The following PLD1 variants were observed in gnomAD, a reference collection of about 807,000 sequenced individuals.
PLD1 encodes the protein phospholipase D1.
In PLD1, 112 loss-of-function variants were observed where a neutral mutation model predicts 137.1. That is an observed-to-expected ratio of 0.82 (90% CI 0.70 to 0.96). PLD1 has a LOEUF of 0.96. Ranked by LOEUF, PLD1 falls within the 40% of genes least tolerant of loss-of-function variation. The pLI is 0.00. For missense variants in PLD1, 1,321 were observed against 1,342.0 expected, an observed-to-expected ratio of 0.98 and a Z score of 0.24; for synonymous variants, 431 against 454.7, an observed-to-expected ratio of 0.95 and a Z score of 0.66.
intron 24 of PLD1, among the ~76,000 whole-genome samples, chr3:171,615,679 T>A (rs1733045783): frequency 6.6e-6 from 1 of 152,234 alleles, no homozygotes; most frequent in African/African-American, 2.4e-5. Flanking sequence ...TTCAGTCTTA[T>A]GTCTTTGAGA....
chr3:171,722,780 C>T (rs1171388581), intron 8 of PLD1, among the ~76,000 whole-genome samples: 4 of 152,044 alleles, frequency 2.6e-5, no homozygotes, highest in Admixed American at 2.0e-4. Context: ...CCGGCACTAC[C>T]GTCTTATTTC....
intron 1 of PLD1, among the ~76,000 whole-genome samples, chr3:171,764,915 A>AG (rs1333783976): frequency 9.5e-5 from 3 of 31,472 alleles, no homozygotes; most frequent in African/African-American, 2.2e-4. Flanking sequence ...AAGGAAGGAA[A>AG]GAAAGAAAGG....
chr3:171,716,233 T>G (rs1311017956), intron 8 of PLD1, among the ~76,000 whole-genome samples: 2 of 152,218 alleles, frequency 1.3e-5, no homozygotes, highest in African/African-American at 2.4e-5. Flanking sequence ...AGAATGGTTA[T>G]AGTCCTCTGG....
intron 3 of PLD1, 22 bp downstream of exon 3, chr3:171,737,510 G>A: frequency 6.3e-7 from 1 of 1,588,334 alleles, no homozygotes; most frequent in Non-Finnish European, 8.5e-7. Flanking sequence ...AGAAAAAAGG[G>A]TGAGTCCATA....
At chr3:171,620,204 C>A (rs1733469451) in intron 24 of PLD1, among the ~76,000 whole-genome samples, 182 bp downstream of exon 24, 3 of 152,118 alleles carry the variant, frequency 2.0e-5, no homozygotes, top group Non-Finnish European at 4.4e-5. Context: ...GTACCTATAA[C>A]AATTTCAACA....
At chr3:171,615,425 T>A (rs1379867030) in intron 24 of PLD1, among the ~76,000 whole-genome samples, 4 of 152,174 alleles carry the variant, frequency 2.6e-5, no homozygotes, top group Admixed American at 2.6e-4. Flanking sequence ...TAAGCAATAA[T>A]AAAATAGTCA....
Position 171,608,409 on chromosome 3 carries a change from C to T in PLD1, c.2883-2993G>A, listed in dbSNP as rs769824638. Among the ~76,000 whole-genome samples, 5 of 152,128 alleles carry T rather than the reference C, an allele frequency of 3.3e-5. No homozygotes were observed. The South Asian group carries it at 6.2e-4, about 19-fold the overall frequency. On this transcript the variant is annotated intron_variant, in intron 25 of 26. Transcript: ENST00000351298. ...TAAAACTAGTAAGAACTTGAGAGAA[C>T]GTGAGTAAACAATTCTAAAGTCCAT... is the stretch of plus-strand genomic sequence containing the variant.
chr3:171,783,778 G>C (rs1042696613), intron 1 of PLD1, among the ~76,000 whole-genome samples: 7 of 152,044 alleles, frequency 4.6e-5, no homozygotes, highest in African/African-American at 1.7e-4. Context: ...GAGTAGCTGG[G>C]ACTACAGGCA....
intron 19 of PLD1, among the ~76,000 whole-genome samples, chr3:171,673,377 G>A (rs910278104): frequency 6.6e-5 from 10 of 151,790 alleles, no homozygotes; most frequent in Middle Eastern, 6.8e-3. Context: ...TGCCTCCTGG[G>A]TTTAAGCGAT....
Position 171,616,205 on chromosome 3 carries a change from T to C in PLD1, c.2729-3773A>G, listed in dbSNP as rs552557762. Reference sequence around the variant, plus strand: ...TGATTTATAGGAGTTCTTTATGTGTTCTGTGTATTAAATGGGTTGCAAATA... The same window carrying C: ...TGATTTATAGGAGTTCTTTATGTGTCCTGTGTATTAAATGGGTTGCAAATA... On this transcript the variant is annotated intron_variant, in intron 24 of 26. Transcript: ENST00000351298. Among the ~76,000 whole-genome samples, 7 of 152,372 alleles carry C rather than the reference T, an allele frequency of 4.6e-5. No homozygotes were observed. The South Asian group carries it at 1.5e-3, about 32-fold the overall frequency.
chr3:171,728,730 T>A (rs956134953), intron 6 of PLD1, among the ~76,000 whole-genome samples: 12 of 152,200 alleles, frequency 7.9e-5, no homozygotes, highest in Admixed American at 7.9e-4. Flanking sequence ...AACAGAAATA[T>A]TCTCTGAAAT....
chr3:171,761,345 G>A (rs1447609466), intron 1 of PLD1, among the ~76,000 whole-genome samples: 1 of 152,114 alleles, frequency 6.6e-6, no homozygotes, highest in Non-Finnish European at 1.5e-5. Context: ...TCCTAAAAAA[G>A]GAGATGCTTC....
intron 21 of PLD1, among the ~76,000 whole-genome samples, chr3:171,658,695 A>G (rs1190778840): frequency 6.6e-6 from 1 of 152,204 alleles, no homozygotes; most frequent in Non-Finnish European, 1.5e-5. Context: ...TGAGTGGATG[A>G]AAATGTTCTA....
chr3:171,792,460 T>A (rs989464744), intron 1 of PLD1: 4 of 385,566 alleles, frequency 1.0e-5, no homozygotes, highest in Non-Finnish European at 2.1e-5. Flanking sequence ...TGGCCATCCA[T>A]CAGGCATTCA....
At position 171,662,098 on chromosome 3, in the gene PLD1, G is replaced by A; in HGVS notation, c.2302C>T (p.His768Tyr). 6.2e-7 allele frequency: 1 copy of A among 1,612,576 alleles called. No individual in the cohort carries two copies. The highest frequency in any genetic ancestry group is 8.5e-7 in the Non-Finnish European group (1 of 1,178,574). Residue 768 changes from histidine (H) to tyrosine (Y), a missense_variant, in exon 20 of 27, where the codon CAT (histidine) becomes TAT (tyrosine). Coordinates refer to ENST00000351298, the MANE Select transcript of PLD1 (RefSeq NM_002662.5). ...HEESIHAAYV[H>Y]VIENSRHYIY... Reference sequence around the variant, plus strand: ...TAGTGCCTGCTGTTCTCTATCACATGGACGTAAGCGGCGTGGATGGACTCT... The same window carrying A: ...TAGTGCCTGCTGTTCTCTATCACATAGACGTAAGCGGCGTGGATGGACTCT...
At chr3:171,630,578 G>T (rs1446282245) in intron 23 of PLD1, among the ~76,000 whole-genome samples, 1 of 139,040 alleles carries the variant, frequency 7.2e-6, no homozygotes. Flanking sequence ...TGTTTATTGT[G>T]GCACTATTCA....
At chr3:171,756,246 C>A (rs902568050) in intron 1 of PLD1, among the ~76,000 whole-genome samples, 5 of 152,186 alleles carry the variant, frequency 3.3e-5, no homozygotes, top group Admixed American at 1.3e-4. Flanking sequence ...GCTAAAAAGT[C>A]TTCAGTAAAA....
At chr3:171,733,639 T>A in intron 5 of PLD1, 130 bp from the exon 6 acceptor site, 1 of 552,708 alleles carries the variant, frequency 1.8e-6, no homozygotes, top group African/African-American at 1.9e-5. Flanking sequence ...TTTATTAATA[T>A]AATCATGGAG....
chr3:171,743,668 T>A lies in PLD1; in HGVS notation c.-31-5586A>T, dbSNP rs1277286314. ...ATGAACCCACAACCCCAGAAAAAAA[T>A]GAGCACGGGCTCACACACAGCATTT... On this transcript the variant is annotated intron_variant, in intron 1 of 26. Coordinates refer to ENST00000351298, the MANE Select transcript of PLD1 (RefSeq NM_002662.5). Among the ~76,000 whole-genome samples the A allele has an allele frequency of 2.0e-5, 3 of 152,254 alleles. No homozygotes were observed. The East Asian group carries it at 5.8e-4, about 29-fold the overall frequency.
Sources: allele counts gnomAD v4.1 joint callset (sites outside exome capture counted in the v4.1 genomes callset), GRCh38; gene constraint gnomAD v4.1.1; transcripts MANE v1.5; gene names NCBI Gene and HGNC (gene_info 2026-07-23, HGNC 2026-07-21).